The following CDK12 variants were observed in gnomAD, a reference collection of about 807,000 sequenced individuals.
The protein encoded by CDK12 is cyclin dependent kinase 12, also known as cyclin-dependent kinase 12.
A neutral mutation model predicts 133.8 loss-of-function variants in CDK12; 17 were observed. The observed-to-expected ratio is 0.13, with a 90% CI of 0.09 to 0.19. The LOEUF is 0.19. Among genes scored for constraint, CDK12 ranks in the 10% least tolerant of loss-of-function variants. The probability of loss-of-function intolerance (pLI) is 1.00; values close to 1 mark genes in which losing one functional copy is unlikely to be tolerated. For synonymous variants in CDK12, 694 were observed against 683.6 expected, an observed-to-expected ratio of 1.02 and a Z score of -0.24; for missense variants, 1,508 against 1,818.7, an observed-to-expected ratio of 0.83 and a Z score of 3.11.
At chr17:39,540,990 T>G (rs1162144835) in intron 1 of CDK12, among the ~76,000 whole-genome samples, 1 of 152,226 alleles carries the variant, frequency 6.6e-6, no homozygotes, top group Admixed American at 6.5e-5. Context: ...TGTGTCTTCC[T>G]TTCCAACTTT....
In CDK12 at chr17:39,494,702, C is replaced by T; in HGVS notation, c.2419+8C>T. ...ATTTCAAGAAGGACAAAGGTACTAG[C>T]AAAGAATCACATTTTTACAGGGTAG... is the stretch of plus-strand genomic sequence containing the variant. On this transcript the variant is annotated splice_region_variant and intron_variant, in intron 5 of 13. Transcript: ENST00000447079. 6.5e-7 allele frequency: 1 copy of T among 1,547,650 alleles called. No individual in the cohort carries two copies. The highest frequency in any genetic ancestry group is 8.8e-7 in the Non-Finnish European group (1 of 1,142,394).
intron 13 of CDK12, 88 bp from the exon 14 acceptor site, chr17:39,530,516 T>C (rs1350230664): frequency 2.0e-6 from 3 of 1,482,014 alleles, no homozygotes; most frequent in East Asian, 2.3e-5. Flanking sequence ...TATATTGATA[T>C]TTGTTTATGT....
chr17:39,523,449 C>T (rs1008299872), intron 11 of CDK12, among the ~76,000 whole-genome samples: 1 of 151,894 alleles, frequency 6.6e-6, no homozygotes, highest in African/African-American at 2.4e-5. Context: ...GCACTCTAGC[C>T]TGGGCAACAG....
At chr17:39,469,548 A>C (rs762649150) in intron 1 of CDK12, among the ~76,000 whole-genome samples, 45 of 152,092 alleles carry the variant, frequency 3.0e-4, no homozygotes, top group Non-Finnish European at 5.3e-4. Context: ...TTAACTCTCT[A>C]GCTAACAAAT....
intron 3 of CDK12, among the ~76,000 whole-genome samples, chr17:39,492,392 G>A (rs1216077717): frequency 1.4e-5 from 2 of 146,258 alleles, no homozygotes; most frequent in African/African-American, 2.5e-5. Flanking sequence ...CACCGAGCCC[G>A]GCCAATTTCA....
Position 39,511,637 on chromosome 17 carries a change from T to C in CDK12, c.2768+7T>C. The C allele has an allele frequency of 6.3e-7, 1 of 1,581,280 alleles. No individual in the cohort carries two copies. The highest frequency in any genetic ancestry group is 8.7e-7 in the Non-Finnish European group (1 of 1,152,250). On this transcript the variant is annotated splice_region_variant and intron_variant, in intron 8 of 13. Coordinates refer to ENST00000447079, the MANE Select transcript of CDK12 (RefSeq NM_016507.4). ...TAGATGTTTGGAGCTGTGGGTAAGG[T>C]TCTGTTAACTTTTTCTTTTGTCTGT... is the stretch of plus-strand genomic sequence containing the variant.
At chr17:39,515,208 T>C (rs906154440) in intron 8 of CDK12, among the ~76,000 whole-genome samples, 2 of 152,058 alleles carry the variant, frequency 1.3e-5, no homozygotes, top group Non-Finnish European at 2.9e-5. Context: ...TGAGACTCTA[T>C]CTCAAAAAAT....
rs1049989026 is a variant in CDK12 at position 39,532,941 on chromosome 17, C to T, written c.*1625C>T. ...GACCTTCAGGAAACATAGGTTAAGC[C>T]CCCTTTTACAAAGAAAAAGTAAACA... On this transcript the variant is annotated 3_prime_UTR_variant, in exon 14 of 14. Coordinates refer to ENST00000447079, the MANE Select transcript of CDK12 (RefSeq NM_016507.4). 1 of 232,688 alleles carries T rather than the reference C, an allele frequency of 4.3e-6. No individual in the cohort carries two copies. Among genetic ancestry groups the T allele is most frequent in the Admixed American group, 5.6e-5 (1 of 17,736 alleles). 14.4% of individuals were successfully genotyped at this position (232,688 alleles called of 1,614,324 possible). A position where few individuals can be genotyped will look rare whatever the true frequency, so the allele number is the denominator to read the frequency against.
chr17:39,485,253 T>C (rs1390286115), intron 2 of CDK12, among the ~76,000 whole-genome samples: 1 of 151,888 alleles, frequency 6.6e-6, no homozygotes, highest in Non-Finnish European at 1.5e-5. Context: ...AGTACTTTAT[T>C]TGAGCTCATA....
intron 2 of CDK12, among the ~76,000 whole-genome samples, chr17:39,484,870 T>A (rs892093733): frequency 6.6e-6 from 1 of 152,092 alleles, no homozygotes; most frequent in Non-Finnish European, 1.5e-5. Flanking sequence ...CTAAAAATTT[T>A]AAAAATTTGA....
chr17:39,535,821 G>A (rs2055110671), downstream of CDK12, among the ~76,000 whole-genome samples: 1 of 152,130 alleles, frequency 6.6e-6, no homozygotes, highest in Non-Finnish European at 1.5e-5. Context: ...CTCATAGCTT[G>A]ACTGTTTTTT....
intron 2 of CDK12, among the ~76,000 whole-genome samples, chr17:39,554,395 G>A (rs1201450845): frequency 6.6e-6 from 1 of 152,154 alleles, no homozygotes; most frequent in Non-Finnish European, 1.5e-5. Context: ...TAGATCTTCA[G>A]AAGTGTCGAT....
chr17:39,531,206 G>C lies in CDK12; in HGVS notation c.4363G>C (p.Ala1455Pro). Residue 1455 changes from alanine (A) to proline (P), a missense_variant, in exon 14 of 14, where the codon GCA becomes CCA. By Grantham distance (27) the Ala-to-Pro change is conservative. Around this residue, in one of 9 missense-constraint regions of CDK12, gnomAD observed 114 missense variants for 101.2 expected, o/e 1.13. Transcript: ENST00000447079. The part of the protein sequence containing the change: ...PGTTGASSSG[A>P]GLHWGGPTQS... ...AACCACTGGGGCCAGCAGCTCAGGA[G>C]CAGGCCTTCACTGGGGGGGCCCAAC... The C allele has an allele frequency of 2.0e-6, 3 of 1,518,886 alleles. No individual in the cohort carries two copies. Among genetic ancestry groups the C allele is most frequent in the Non-Finnish European group, 2.6e-6 (3 of 1,135,456 alleles). 94.1% of individuals were successfully genotyped at this position (1,518,886 alleles called of 1,614,324 possible).
intron 4 of CDK12, 51 bp downstream of exon 4, chr17:39,492,941 T>A: frequency 6.9e-7 from 1 of 1,440,796 alleles, no homozygotes; most frequent in Non-Finnish European, 9.5e-7. Context: ...AATTTAGCAA[T>A]ACTAATATCT....
intron 6 of CDK12, 26 bp downstream of exon 6, chr17:39,501,465 A>C: frequency 2.0e-6 from 3 of 1,525,450 alleles, no homozygotes; most frequent in Non-Finnish European, 2.7e-6. Context: ...AATAAGATTA[A>C]GCACTTTCCT....
At chr17:39,464,770 G>A (rs1447473445) in intron 1 of CDK12, among the ~76,000 whole-genome samples, 1 of 141,560 alleles carries the variant, frequency 7.1e-6, no homozygotes, top group African/African-American at 2.5e-5. Flanking sequence ...GCAACATAGT[G>A]AGGCCCCGTT....
intron 1 of CDK12, among the ~76,000 whole-genome samples, chr17:39,464,818 G>A (rs552338558): frequency 3.9e-5 from 6 of 151,922 alleles, no homozygotes; most frequent in Admixed American, 1.3e-4. Flanking sequence ...TGGTCGCGGT[G>A]GTGCACATCT....
chr17:39,504,231 A>G (rs1270567378), intron 6 of CDK12, among the ~76,000 whole-genome samples: 1 of 152,244 alleles, frequency 6.6e-6, no homozygotes, highest in African/African-American at 2.4e-5. Context: ...TCTTTTATAT[A>G]TCCAGGGTAG....
At chr17:39,524,613 C>T in intron 11 of CDK12, 61 bp from the exon 12 acceptor site, 2 of 1,377,336 alleles carry the variant, frequency 1.5e-6, no homozygotes, top group South Asian at 2.4e-5. Context: ...ATCCTTTGCT[C>T]CTCCATTCAT....
Sources: allele counts gnomAD v4.1 joint callset (sites outside exome capture counted in the v4.1 genomes callset), GRCh38; gene constraint gnomAD v4.1.1; regional missense constraint gnomAD v4.1.1; transcripts MANE v1.5; gene names NCBI Gene and HGNC (gene_info 2026-07-23, HGNC 2026-07-21).